ALG10B: variants seen among roughly 807,000 people sequenced by gnomAD.
ALG10B encodes the protein dol-P-Glc:Glc(2)Man(9)GlcNAc(2)-PP-Dol alpha-1,2-glucosyltransferase B.
ALG10B carries 27 observed loss-of-function variants against 38.7 expected under a neutral mutation model. The ratio of observed to expected loss-of-function variants is 0.70; its 90% CI spans 0.51 to 0.96. The LOEUF is 0.96. Among genes scored for constraint, ALG10B ranks in the 40% least tolerant of loss-of-function variants. ALG10B has a pLI of 0.00. For missense variants in ALG10B, 522 were observed against 542.7 expected, an observed-to-expected ratio of 0.96 and a Z score of 0.38; for synonymous variants, 177 against 193.3, an observed-to-expected ratio of 0.92 and a Z score of 0.70.
In ALG10B at chr12:38,320,355, A is replaced by T. The variant is rs1289668065; in HGVS notation, c.564A>T (p.Thr188=). 5 of 1,614,102 alleles carry T rather than the reference A, an allele frequency of 3.1e-6. No individual in the cohort carries two copies. Among genetic ancestry groups the T allele is most frequent in the Non-Finnish European group, 4.2e-6 (5 of 1,179,992 alleles). The stretch of plus-strand genomic sequence containing the variant: ...TTTGTGGCTTCATGTTTCGGCAAAC[A>T]AATATCATCTGGGCTGTCTTCTGTG... The part of the protein sequence containing the change: ...LGFCGFMFRQ[T]NIIWAVFCAG... Residue 188 remains threonine (T), a synonymous_variant, in exon 3 of 3, where the codon ACA becomes ACT. Coordinates refer to ENST00000308742, the MANE Select transcript of ALG10B (RefSeq NM_001013620.4).
chr12:38,323,809 TA>T lies in ALG10B; in HGVS notation c.*2597del. On this transcript the variant is annotated 3_prime_UTR_variant, in exon 3 of 3. Coordinates refer to ENST00000308742, the MANE Select transcript of ALG10B (RefSeq NM_001013620.4). ...TTATACTTTTGTCATTAATTTACTA[TA>T]GTGGAGAACTAAATCTGGGAAGTCA... 1.5e-6 allele frequency: 1 copy of T among 688,408 alleles called. No homozygotes were observed. Among genetic ancestry groups the T allele is most frequent in the South Asian group, 1.5e-5 (1 of 64,754 alleles). The allele number at this position is 688,408 out of a possible 1,614,324, so 42.6% of individuals were successfully genotyped here. A position where few individuals can be genotyped will look rare whatever the true frequency, so the allele number is the denominator to read the frequency against.
chr12:38,319,208 C>T (rs1456306523), intron 2 of ALG10B, among the ~76,000 whole-genome samples: 5 of 152,050 alleles, frequency 3.3e-5, no homozygotes, highest in African/African-American at 4.8e-5. Flanking sequence ...GAGTATGTGG[C>T]ATTCAGTAAG....
At chr12:38,318,591 G>C (rs1945676805) in intron 2 of ALG10B, 133 bp downstream of exon 2, 1 of 1,092,248 alleles carries the variant, frequency 9.2e-7, no homozygotes, top group Non-Finnish European at 1.3e-6. Flanking sequence ...ATTATGTAAA[G>C]GTAAATTTAA....
Position 38,316,846 on chromosome 12 carries a change from CAG to C in ALG10B, c.-46_-45del. On this transcript the variant is annotated 5_prime_UTR_variant, in exon 1 of 3. Coordinates refer to ENST00000308742, the MANE Select transcript of ALG10B (RefSeq NM_001013620.4). ...AGTTTCCAGCTCGGGTTTCCGGGCTCAGAATTTTCCAGGAGTGGGTTCTTGGG... is the reference window on the plus strand; with the variant it reads ...AGTTTCCAGCTCGGGTTTCCGGGCTCAATTTTCCAGGAGTGGGTTCTTGGG... 6.2e-7 allele frequency: 1 copy of C among 1,613,748 alleles called. No homozygotes were observed. Among genetic ancestry groups the C allele is most frequent in the East Asian group, 2.2e-5 (1 of 44,874 alleles).
In ALG10B at chr12:38,323,841, G is replaced by GA. The variant is rs1469778308; in HGVS notation, c.*2634dup. The GA allele has an allele frequency of 1.4e-6, 1 of 697,432 alleles. No homozygotes were observed. Among genetic ancestry groups the GA allele is most frequent in the East Asian group, 2.7e-5 (1 of 37,158 alleles). The allele number at this position is 697,432 out of a possible 1,614,324, so 43.2% of individuals were successfully genotyped here. A position where few individuals can be genotyped will look rare whatever the true frequency, so the allele number is the denominator to read the frequency against. Reference sequence around the variant, plus strand: ...GAACTAAATCTGGGAAGTCAAAATTGAAAAAAGAATGTGTAATTTAGGGAA... The same window carrying GA: ...GAACTAAATCTGGGAAGTCAAAATTGAAAAAAAGAATGTGTAATTTAGGGAA... On this transcript the variant is annotated 3_prime_UTR_variant, in exon 3 of 3. Coordinates refer to ENST00000308742, the MANE Select transcript of ALG10B (RefSeq NM_001013620.4).
upstream of ALG10B, chr12:38,316,745 C>A: frequency 1.5e-6 from 2 of 1,351,188 alleles, no homozygotes; most frequent in Non-Finnish European, 1.1e-6. Flanking sequence ...CGGATCCGCG[C>A]TCTCCCAGCA....
Position 38,323,963 on chromosome 12 carries a change from G to C in ALG10B, c.*2750G>C. ...CACTCTGATCTAGTCTGGCAAAATT[G>C]AGGAAAATATTCTACCCTGTAATTA... On this transcript the variant is annotated 3_prime_UTR_variant, in exon 3 of 3. Coordinates refer to ENST00000308742, the MANE Select transcript of ALG10B (RefSeq NM_001013620.4). 1 of 701,210 alleles carries C rather than the reference G, an allele frequency of 1.4e-6. No homozygotes were observed. The highest frequency in any genetic ancestry group is 2.6e-6 in the Non-Finnish European group (1 of 384,548). The allele number at this position is 701,210 out of a possible 1,614,324, so 43.4% of individuals were successfully genotyped here. A position where few individuals can be genotyped will look rare whatever the true frequency, so the allele number is the denominator to read the frequency against.
In ALG10B at chr12:38,328,625, CTATT is replaced by C. The variant is rs1945766395; in HGVS notation, c.*7416_*7419del. On this transcript the variant is annotated 3_prime_UTR_variant, in exon 3 of 3. Coordinates refer to ENST00000308742, the MANE Select transcript of ALG10B (RefSeq NM_001013620.4). ...CACAAAGATTTATAATCATTTATATCTATTTATCTAATGTTATTCAAATGTTTTC... is the reference window on the plus strand; with the variant it reads ...CACAAAGATTTATAATCATTTATATCTATCTAATGTTATTCAAATGTTTTC... The C allele has an allele frequency of 6.6e-6, 1 of 152,138 alleles. No individual in the cohort carries two copies. The highest frequency in any genetic ancestry group is 2.4e-5 in the African/African-American group (1 of 41,522). 9.4% of individuals were successfully genotyped at this position (152,138 alleles called of 1,614,324 possible).
At position 38,329,030 on chromosome 12, in the gene ALG10B, A is replaced by G; in HGVS notation, c.*7817A>G. ...TTCGTAACCAGGCAGCCTGACTCCA[A>G]AATCAATATTCTTAACTCTATTGTT... On this transcript the variant is annotated 3_prime_UTR_variant, in exon 3 of 3. Coordinates refer to ENST00000308742, the MANE Select transcript of ALG10B (RefSeq NM_001013620.4). 2 of 394,186 alleles carry G rather than the reference A, an allele frequency of 5.1e-6. No homozygotes were observed. Among genetic ancestry groups the G allele is most frequent in the East Asian group, 3.6e-5 (1 of 27,812 alleles). 24.4% of individuals were successfully genotyped at this position (394,186 alleles called of 1,614,324 possible).
In ALG10B at chr12:38,328,969, T is replaced by A. The variant is rs917197881; in HGVS notation, c.*7756T>A. On this transcript the variant is annotated 3_prime_UTR_variant, in exon 3 of 3. Coordinates refer to ENST00000308742, the MANE Select transcript of ALG10B (RefSeq NM_001013620.4). ...ACTTAGTATAGAGAGGTGAAGTATT[T>A]TTTCCAAGATTACAAAATAACTGTC... The A allele has an allele frequency of 2.7e-6, 1 of 374,480 alleles. No homozygotes were observed. The highest frequency in any genetic ancestry group is 2.1e-5 in the African/African-American group (1 of 48,160). The allele number at this position is 374,480 out of a possible 1,614,324, so 23.2% of individuals were successfully genotyped here.
chr12:38,328,261 T>G lies in ALG10B; in HGVS notation c.*7048T>G, dbSNP rs1832970188. ...TGACTTACATGCTGTCTTTGGTATA[T>G]TTTAAGTTTCTAAACCAAAACTACT... On this transcript the variant is annotated 3_prime_UTR_variant, in exon 3 of 3. Transcript: ENST00000308742. 6.6e-6 allele frequency: 1 copy of G among 152,156 alleles called. No individual in the cohort carries two copies. The highest frequency in any genetic ancestry group is 1.5e-5 in the Non-Finnish European group (1 of 67,988). The allele number at this position is 152,156 out of a possible 1,614,324, so 9.4% of individuals were successfully genotyped here. A position where few individuals can be genotyped will look rare whatever the true frequency, so the allele number is the denominator to read the frequency against.
rs1945760876 is a variant in ALG10B, at chr12:38,328,014, A to G, written c.*6801A>G. On this transcript the variant is annotated 3_prime_UTR_variant, in exon 3 of 3. Transcript: ENST00000308742. The stretch of plus-strand genomic sequence containing the variant: ...TGAAAAGCATAACTTCTAATTGTTT[A>G]GTCTTTTTAGGGAAACAAGCCCAGA... 1 of 152,216 alleles carries G rather than the reference A, an allele frequency of 6.6e-6. No individual in the cohort carries two copies. The highest frequency in any genetic ancestry group is 1.5e-5 in the Non-Finnish European group (1 of 68,016). The allele number at this position is 152,216 out of a possible 1,614,324, so 9.4% of individuals were successfully genotyped here.
At position 38,321,777 on chromosome 12, in the gene ALG10B, T is replaced by A. The variant is rs1348673231; in HGVS notation, c.*564T>A. The A allele has an allele frequency of 1.3e-5, 2 of 152,642 alleles. No homozygotes were observed. The highest frequency in any genetic ancestry group is 3.8e-4 in the East Asian group (2 of 5,198). 9.5% of individuals were successfully genotyped at this position (152,642 alleles called of 1,614,324 possible). A position where few individuals can be genotyped will look rare whatever the true frequency, so the allele number is the denominator to read the frequency against. ...AAAATAGAAATGCATAGATAGTAAA[T>A]GATAAAGTAGAGACTCATATATGTC... is the stretch of plus-strand genomic sequence containing the variant. On this transcript the variant is annotated 3_prime_UTR_variant, in exon 3 of 3. Coordinates refer to ENST00000308742, the MANE Select transcript of ALG10B (RefSeq NM_001013620.4).
At position 38,324,830 on chromosome 12, in the gene ALG10B, T is replaced by G. The variant is rs1591940073; in HGVS notation, c.*3617T>G. 2 of 152,342 alleles carry G rather than the reference T, an allele frequency of 1.3e-5. No homozygotes were observed. The highest frequency in any genetic ancestry group is 3.9e-4 in the East Asian group (2 of 5,190). The allele number at this position is 152,342 out of a possible 1,614,324, so 9.4% of individuals were successfully genotyped here. Reference sequence around the variant, plus strand: ...AGTAGATAGATATTTTTTCATGAATTTTTAAACATTAGACTTAGCTGAATT... The same window carrying G: ...AGTAGATAGATATTTTTTCATGAATGTTTAAACATTAGACTTAGCTGAATT... On this transcript the variant is annotated 3_prime_UTR_variant, in exon 3 of 3. Coordinates refer to ENST00000308742, the MANE Select transcript of ALG10B (RefSeq NM_001013620.4).
chr12:38,316,698 A>G, upstream of ALG10B: 2 of 846,330 alleles, frequency 2.4e-6, no homozygotes, highest in Non-Finnish European at 3.9e-6. Flanking sequence ...CCGTTATCTA[A>G]ACCCGTCACT....
In ALG10B at chr12:38,329,222, C is replaced by T. The variant is rs1945772866; in HGVS notation, c.*8009C>T. ...GATAGATTCTCATCTACCATTGTGT[C>T]TTTTGTTTCTGTTTTTGTCATGATA... On this transcript the variant is annotated 3_prime_UTR_variant, in exon 3 of 3. Transcript: ENST00000308742. 1 of 398,312 alleles carries T rather than the reference C, an allele frequency of 2.5e-6. No homozygotes were observed. Among genetic ancestry groups the T allele is most frequent in the East Asian group, 3.6e-5 (1 of 28,032 alleles). 24.7% of individuals were successfully genotyped at this position (398,312 alleles called of 1,614,324 possible).
At position 38,321,095 on chromosome 12, in the gene ALG10B, C is replaced by T. The variant is rs747745077; in HGVS notation, c.1304C>T (p.Ser435Phe). Residue 435 changes from serine (S) to phenylalanine (F), a missense_variant, in exon 3 of 3, where the codon TCC becomes TTC. Ser to Phe is a radical substitution (Grantham distance 155). Transcript: ENST00000308742. ...CTTAACATAACTCTGCCTCCCACATCCAGACTTGTTTGTGAACTGAGTTGC... is the reference window on the plus strand; with the variant it reads ...CTTAACATAACTCTGCCTCCCACATTCAGACTTGTTTGTGAACTGAGTTGC... ...YRLNITLPPT[S>F]RLVCELSCYA... 5.6e-6 allele frequency: 9 copies of T among 1,613,686 alleles called. No individual in the cohort carries two copies. Among genetic ancestry groups the T allele is most frequent in the Non-Finnish European group, 7.6e-6 (9 of 1,179,820 alleles).
In ALG10B at chr12:38,324,208, A is replaced by G. The variant is rs1945724952; in HGVS notation, c.*2995A>G. The G allele has an allele frequency of 2.8e-6, 1 of 354,614 alleles. No individual in the cohort carries two copies. Among genetic ancestry groups the G allele is most frequent in the Non-Finnish European group, 5.1e-6 (1 of 195,408 alleles). 22.0% of individuals were successfully genotyped at this position (354,614 alleles called of 1,614,324 possible). A position where few individuals can be genotyped will look rare whatever the true frequency, so the allele number is the denominator to read the frequency against. ...CCACCAAGCCTGGCTAATTTTTTCT[A>G]TTTTTAGTAGAGCCGGGGTTTCACC... On this transcript the variant is annotated 3_prime_UTR_variant, in exon 3 of 3. Transcript: ENST00000308742.
At position 38,323,732 on chromosome 12, in the gene ALG10B, G is replaced by C. The variant is rs60930327; in HGVS notation, c.*2519G>C. On this transcript the variant is annotated 3_prime_UTR_variant, in exon 3 of 3. Transcript: ENST00000308742. Reference sequence around the variant, plus strand: ...GTTATAACAGTGATTGTAGAAAAACGTGTTTTACCCAGACTTCTTAAAAAT... The same window carrying C: ...GTTATAACAGTGATTGTAGAAAAACCTGTTTTACCCAGACTTCTTAAAAAT... 7 of 593,370 alleles carry C rather than the reference G, an allele frequency of 1.2e-5. No homozygotes were observed. The highest frequency in any genetic ancestry group is 1.5e-5 in the Non-Finnish European group (5 of 336,108). The allele number at this position is 593,370 out of a possible 1,614,324, so 36.8% of individuals were successfully genotyped here. A position where few individuals can be genotyped will look rare whatever the true frequency, so the allele number is the denominator to read the frequency against.
Sources: gnomAD v4.1 joint callset for allele counts (sites outside exome capture counted in the v4.1 genomes callset) on GRCh38, gnomAD v4.1.1 for gene constraint, MANE v1.5 for transcripts, NCBI Gene and HGNC (gene_info 2026-07-23, HGNC 2026-07-21) for gene names.